ANO4: variants seen among roughly 807,000 people sequenced by gnomAD.
ANO4 encodes anoctamin 4.
In ANO4, 69 loss-of-function variants were observed where a neutral mutation model predicts 141.9. The observed-to-expected ratio is 0.49, with a 90% CI of 0.40 to 0.59. The LOEUF is 0.59. Among genes scored for constraint, ANO4 ranks in the 20% least tolerant of loss-of-function variants. The probability of loss-of-function intolerance (pLI) is 0.00; values close to 1 mark genes in which losing one functional copy is unlikely to be tolerated. For missense variants in ANO4, 894 were observed against 1,162.2 expected (o/e 0.77, Z 3.36); for synonymous variants, 350 against 394.3 (o/e 0.89, Z 1.33).
intron 2 of ANO4, among the ~76,000 whole-genome samples, chr12:100,734,293 C>A (rs1106877): frequency 0.67 from 101,202 of 152,086 alleles, 33,811 homozygotes; most frequent in East Asian, 0.82. Flanking sequence ...TGTTAGAGTG[C>A]TGCTGAAAAT....
chr12:100,959,377 C>G (rs895400815), intron 5 of ANO4, among the ~76,000 whole-genome samples: 6 of 152,150 alleles, frequency 3.9e-5, no homozygotes, highest in African/African-American at 1.4e-4. Context: ...CAAACATGCT[C>G]CCATAACTCA....
At chr12:101,044,675 T>C (rs1399095399) in intron 13 of ANO4, among the ~76,000 whole-genome samples, 1 of 152,214 alleles carries the variant, frequency 6.6e-6, no homozygotes, top group Non-Finnish European at 1.5e-5. Flanking sequence ...CGCCTATCTA[T>C]AATGTCTTTA....
chr12:101,054,569 G>A (rs957680670), intron 14 of ANO4, among the ~76,000 whole-genome samples: 2 of 152,108 alleles, frequency 1.3e-5, no homozygotes, highest in East Asian at 1.9e-4. Context: ...GCACAATCTC[G>A]GCTCATTGCA....
chr12:101,099,608 A>C lies in ANO4; in HGVS notation c.2037A>C (p.Lys679Asn), dbSNP rs2050115771. ...PLIQNWWTRRKVRQEHGPERK... is the reference protein window; with the variant it reads ...PLIQNWWTRRNVRQEHGPERK... ...TTCAGAATTGGTGGACTAGAAGAAA[A>C]GTACGACAAGAACATGGACCTGAAA... The change falls in exon 22 of 28, where the codon AAA becomes AAC. Residue 679 changes from lysine (K) to asparagine (N), a missense_variant. Physicochemically the swap from Lys to Asn is moderately conservative, Grantham distance 94. Coordinates refer to ENST00000392977, the MANE Select transcript of ANO4 (RefSeq NM_001286615.2). 1.2e-6 allele frequency: 2 copies of C among 1,603,102 alleles called. No homozygotes were observed. Among genetic ancestry groups the C allele is most frequent in the Non-Finnish European group, 1.7e-6 (2 of 1,177,382 alleles).
At chr12:100,922,067 C>CTT (rs71820018) in intron 2 of ANO4, among the ~76,000 whole-genome samples, 159 bp from the exon 3 acceptor site, 1 of 142,462 alleles carries the variant, frequency 7.0e-6, no homozygotes, top group Non-Finnish European at 1.5e-5. Context: ...GTATATGTTC[C>CTT]TTTTTTTTTT....
intron 5 of ANO4, among the ~76,000 whole-genome samples, chr12:100,943,964 A>G (rs1438032320): frequency 6.6e-6 from 1 of 152,192 alleles, no homozygotes; most frequent in Non-Finnish European, 1.5e-5. Context: ...ATCTAAAATA[A>G]TGGAAGTCCT....
rs2034490098 is a variant in ANO4, at chr12:100,798,611, T to C, written c.-141+3584T>C. Among the ~76,000 whole-genome samples, 5 of 152,218 alleles carry C rather than the reference T, an allele frequency of 3.3e-5. No homozygotes were observed. The South Asian group carries it at 1.0e-3, about 31-fold the overall frequency. On this transcript the variant is annotated intron_variant, in intron 1 of 27. Coordinates refer to ENST00000392977, the MANE Select transcript of ANO4 (RefSeq NM_001286615.2). ...AAACATGTCCTCAGTAGCATAATAA[T>C]CTATCCAGACTGTCATAAATGTTTA...
intron 3 of ANO4, among the ~76,000 whole-genome samples, chr12:100,927,262 C>T (rs1020058743): frequency 1.3e-5 from 2 of 152,024 alleles, no homozygotes; most frequent in Non-Finnish European, 2.9e-5. Context: ...ATTAAATTGT[C>T]CACGAAGCCG....
At chr12:101,043,325 A>G (rs1049058675) in intron 12 of ANO4, among the ~76,000 whole-genome samples, 3 of 152,254 alleles carry the variant, frequency 2.0e-5, no homozygotes, top group African/African-American at 7.2e-5. Context: ...TTAACTTATT[A>G]ATACATAAAG....
intron 1 of ANO4, among the ~76,000 whole-genome samples, chr12:100,859,594 GACAA>G (rs1246347333): frequency 6.6e-6 from 1 of 152,136 alleles, no homozygotes; most frequent in Non-Finnish European, 1.5e-5. Context: ...GATAATAGAA[GACAA>G]ACATTTAAAG....
At chr12:100,929,699 A>C (rs1340103267) in intron 3 of ANO4, among the ~76,000 whole-genome samples, 2 of 152,130 alleles carry the variant, frequency 1.3e-5, no homozygotes, top group African/African-American at 4.8e-5. Flanking sequence ...ACTGTCCTTC[A>C]TAGTGGTTGT....
chr12:100,822,298 T>G (rs1346081741), intron 1 of ANO4, among the ~76,000 whole-genome samples: 1 of 152,032 alleles, frequency 6.6e-6, no homozygotes, highest in Non-Finnish European at 1.5e-5. Flanking sequence ...CTGGATTTCC[T>G]TGACCAGTCA....
intron 1 of ANO4, among the ~76,000 whole-genome samples, chr12:100,868,024 C>T (rs770995819): frequency 2.0e-5 from 3 of 152,176 alleles, no homozygotes; most frequent in Non-Finnish European, 2.9e-5. Context: ...GAGATGGACT[C>T]AGGCCAAGAC....
At chr12:100,760,979 T>A (rs1365691994) in intron 3 of ANO4, among the ~76,000 whole-genome samples, 1 of 152,220 alleles carries the variant, frequency 6.6e-6, no homozygotes, top group East Asian at 1.9e-4. Flanking sequence ...CTATGTATCT[T>A]AACTTTCTCC....
At chr12:100,931,909 A>G (rs2042099160) in intron 3 of ANO4, among the ~76,000 whole-genome samples, 1 of 152,070 alleles carries the variant, frequency 6.6e-6, no homozygotes, top group Non-Finnish European at 1.5e-5. Flanking sequence ...ATAGAGATGG[A>G]CTTATTATAA....
intron 1 of ANO4, among the ~76,000 whole-genome samples, chr12:100,724,024 A>AAAC (rs2030986795): frequency 5.3e-5 from 8 of 151,612 alleles, no homozygotes; most frequent in African/African-American, 1.7e-4. Flanking sequence ...AAACAAACAA[A>AAAC]AAACAAAAAA....
At chr12:101,053,310 T>C (rs1225184884) in intron 14 of ANO4, among the ~76,000 whole-genome samples, 3 of 152,210 alleles carry the variant, frequency 2.0e-5, no homozygotes, top group African/African-American at 7.2e-5. Flanking sequence ...CAAGAGTATT[T>C]GTAAAGCTCT....
chr12:100,874,175 A>G (rs909865083), intron 1 of ANO4, among the ~76,000 whole-genome samples: 12 of 152,226 alleles, frequency 7.9e-5, no homozygotes, highest in Non-Finnish European at 1.2e-4. Context: ...GCAGGGGTGG[A>G]GTCCTCATGG....
intron 1 of ANO4, among the ~76,000 whole-genome samples, chr12:100,853,105 G>A (rs2037968222): frequency 6.6e-6 from 1 of 152,092 alleles, no homozygotes; most frequent in South Asian, 2.1e-4. Context: ...TTGATGAGCT[G>A]CCTGTTCAAG....
Sources: gnomAD v4.1 joint callset for allele counts (sites outside exome capture counted in the v4.1 genomes callset) on GRCh38, gnomAD v4.1.1 for gene constraint, MANE v1.5 for transcripts, NCBI Gene and HGNC (gene_info 2026-07-23, HGNC 2026-07-21) for gene names.